RBFOX1: variants seen among roughly 807,000 people sequenced by gnomAD.
RBFOX1 encodes the protein RNA binding fox-1 homolog 1.
Under a neutral mutation model 57.7 loss-of-function variants are expected in RBFOX1, and 8 were observed. The ratio of observed to expected loss-of-function variants is 0.14; its 90% CI spans 0.08 to 0.25. The LOEUF is 0.25. Ranked by LOEUF, RBFOX1 falls within the 10% of genes least tolerant of loss-of-function variation. The pLI is 1.00. For missense variants in RBFOX1, 611 were observed against 548.5 expected (o/e 1.11, Z -1.14); for synonymous variants, 326 against 222.4 (o/e 1.47, Z -4.15).
At position 6,561,805 on chromosome 16, in the gene RBFOX1, G is replaced by T. The variant is rs573327666; in HGVS notation, c.-63-92798G>T. Among the ~76,000 whole-genome samples, 4 of 152,274 alleles carry T rather than the reference G, an allele frequency of 2.6e-5. No individual in the cohort carries two copies. The East Asian group carries it at 7.7e-4, about 29-fold the overall frequency. ...GTGGACAGATTTCTGAACATGTGTAGGGGCCAGTTTTTTAGTTGCTAACCT... is the reference window on the plus strand; with the variant it reads ...GTGGACAGATTTCTGAACATGTGTATGGGCCAGTTTTTTAGTTGCTAACCT... On this transcript the variant is annotated intron_variant, in intron 2 of 15. Coordinates refer to ENST00000550418, the MANE Select transcript of RBFOX1 (RefSeq NM_018723.4).
At chr16:6,503,615 A>T (rs981409523) in intron 2 of RBFOX1, among the ~76,000 whole-genome samples, 1 of 152,132 alleles carries the variant, frequency 6.6e-6, no homozygotes, top group African/African-American at 2.4e-5. Context: ...AGGCTTGCTT[A>T]GGCTTGGTCA....
In RBFOX1 at chr16:7,479,197, C is replaced by A. The variant is rs1171838893; in HGVS notation, c.28-38950C>A. On this transcript the variant is annotated intron_variant, in intron 4 of 15. Transcript: ENST00000550418. ...GGAGCGCAGTGGTGTGATCTCGGCT[C>A]AGTGCAACTTCTGCCTCCCGAGTTG... Among the ~76,000 whole-genome samples, 4 of 148,630 alleles carry A rather than the reference C, an allele frequency of 2.7e-5. 1 individual carries two copies. Among genetic ancestry groups the A allele is most frequent in the Non-Finnish European group, 3.0e-5 (2 of 66,900 alleles).
At chr16:5,940,397 G>C (rs1452865377) in intron 4 of RBFOX1, among the ~76,000 whole-genome samples, 1 of 152,120 alleles carries the variant, frequency 6.6e-6, no homozygotes, top group East Asian at 1.9e-4. Flanking sequence ...CCTCCTATTA[G>C]CCCTGTGTGG....
chr16:7,492,119 C>G (rs904796418), intron 4 of RBFOX1, among the ~76,000 whole-genome samples: 16 of 152,196 alleles, frequency 1.1e-4, no homozygotes, highest in African/African-American at 3.9e-4. Flanking sequence ...GAAAAAGACT[C>G]TGCAATAAAC....
chr16:5,832,581 G>A (rs1170528482), intron 3 of RBFOX1, among the ~76,000 whole-genome samples: 38 of 152,202 alleles, frequency 2.5e-4, no homozygotes, highest in Admixed American at 2.5e-3. Context: ...TCACTGTTAG[G>A]CTTCTGATTA....
chr16:6,505,707 C>T (rs1208456783), intron 2 of RBFOX1, among the ~76,000 whole-genome samples: 2 of 152,188 alleles, frequency 1.3e-5, no homozygotes, highest in African/African-American at 4.8e-5. Context: ...AAGTGTAGTA[C>T]TCTTTGGTAC....
intron 3 of RBFOX1, among the ~76,000 whole-genome samples, chr16:6,733,906 G>C (rs576588312): frequency 3.3e-5 from 5 of 152,192 alleles, no homozygotes; most frequent in Non-Finnish European, 4.4e-5. Context: ...GCGCTATGCT[G>C]TACAGGGTTT....
chr16:7,692,647 G>A (rs1021160449), intron 14 of RBFOX1, among the ~76,000 whole-genome samples: 2 of 152,084 alleles, frequency 1.3e-5, no homozygotes, highest in African/African-American at 2.4e-5. Context: ...ACATAATATC[G>A]TGGAAGTGTC....
chr16:7,613,602 T>C (rs1243664399), intron 10 of RBFOX1, among the ~76,000 whole-genome samples: 1 of 152,162 alleles, frequency 6.6e-6, no homozygotes, highest in African/African-American at 2.4e-5. Context: ...AAAGGGCAAC[T>C]GTATTTGACC....
chr16:7,348,318 C>G (rs1401016586), intron 4 of RBFOX1, among the ~76,000 whole-genome samples: 2 of 152,174 alleles, frequency 1.3e-5, no homozygotes, highest in Admixed American at 6.5e-5. Context: ...TATCTACTCT[C>G]ATCGTATTCA....
intron 4 of RBFOX1, among the ~76,000 whole-genome samples, chr16:7,055,687 A>C (rs1026051671): frequency 6.6e-6 from 1 of 152,234 alleles, no homozygotes; most frequent in Non-Finnish European, 1.5e-5. Flanking sequence ...GCGATTGGCT[A>C]CAGCAGTTAT....
At chr16:7,457,572 G>GCT (rs1321301259) in intron 4 of RBFOX1, among the ~76,000 whole-genome samples, 1 of 152,156 alleles carries the variant, frequency 6.6e-6, no homozygotes, top group Non-Finnish European at 1.5e-5. Flanking sequence ...GCTCTTTGAT[G>GCT]CTCTGTTCCT....
At chr16:6,706,939 TAAAAG>T (rs1039432637) in intron 3 of RBFOX1, among the ~76,000 whole-genome samples, 2 of 152,144 alleles carry the variant, frequency 1.3e-5, no homozygotes, top group East Asian at 1.9e-4. Flanking sequence ...TATAGTCACT[TAAAAG>T]AAAACCATGA....
At chr16:5,928,700 TAAAAAA>T (rs760181311) in intron 4 of RBFOX1, among the ~76,000 whole-genome samples, 1 of 105,842 alleles carries the variant, frequency 9.4e-6, no homozygotes. Context: ...TTCTGCCCAA[TAAAAAA>T]AAAAAAAAAA....
intron 3 of RBFOX1, among the ~76,000 whole-genome samples, chr16:6,724,510 C>A (rs11645090): frequency 6.6e-6 from 1 of 151,938 alleles, no homozygotes; most frequent in African/African-American, 2.4e-5. Flanking sequence ...ACCTGGCTGC[C>A]ATCTTCTGTG....
intron 1 of RBFOX1, among the ~76,000 whole-genome samples, chr16:6,300,149 T>C (rs2078642459): frequency 6.6e-6 from 1 of 152,008 alleles, no homozygotes; most frequent in Non-Finnish European, 1.5e-5. Context: ...GTCAAACTCA[T>C]AGAAACAGAG....
intron 2 of RBFOX1, among the ~76,000 whole-genome samples, chr16:6,648,439 G>A (rs1255971857): frequency 3.3e-5 from 5 of 152,126 alleles, no homozygotes; most frequent in Admixed American, 6.5e-5. Flanking sequence ...ATGTGCGGAT[G>A]AGGGAAATTT....
chr16:6,178,750 G>T (rs973022721), intron 1 of RBFOX1, among the ~76,000 whole-genome samples: 27 of 152,242 alleles, frequency 1.8e-4, no homozygotes, highest in African/African-American at 6.3e-4. Flanking sequence ...GTCATGGCTG[G>T]ATTAAAATAT....
At chr16:5,350,559 G>A (rs1469371446) in intron 1 of RBFOX1, among the ~76,000 whole-genome samples, 1 of 152,130 alleles carries the variant, frequency 6.6e-6, no homozygotes, top group Non-Finnish European at 1.5e-5. Flanking sequence ...TAGAGCCTCA[G>A]TCCTCCTTTA....
Sources: allele counts gnomAD v4.1 joint callset (sites outside exome capture counted in the v4.1 genomes callset), GRCh38; gene constraint gnomAD v4.1.1; transcripts MANE v1.5; gene names NCBI Gene and HGNC (gene_info 2026-07-23, HGNC 2026-07-21).